The following GALNT17 variants were observed in gnomAD, a reference collection of about 807,000 sequenced individuals.
GALNT17 encodes UDP-GalNAc:polypeptide N-acetylgalactosaminyltransferase-like 3.
GALNT17 carries 29 observed loss-of-function variants against 63.7 expected under a neutral mutation model. That is an observed-to-expected ratio of 0.46 (90% CI 0.34 to 0.62). GALNT17 has a LOEUF of 0.62. Among genes scored for constraint, GALNT17 ranks in the 20% least tolerant of loss-of-function variants. The pLI, the probability that GALNT17 is intolerant of heterozygous loss-of-function variation, is 0.01. For synonymous variants in GALNT17, 305 were observed against 318.3 expected (o/e 0.96, Z 0.45); for missense variants, 603 against 799.6 (o/e 0.75, Z 2.97).
intron 1 of GALNT17, among the ~76,000 whole-genome samples, chr7:71,229,671 G>C (rs1389599528): frequency 6.6e-6 from 1 of 152,184 alleles, no homozygotes; most frequent in Non-Finnish European, 1.5e-5. Context: ...CAAGGGTACA[G>C]GGTGGCTGGA....
chr7:71,159,947 A>C (rs1788310511), intron 1 of GALNT17, among the ~76,000 whole-genome samples: 1 of 151,850 alleles, frequency 6.6e-6, no homozygotes, highest in Admixed American at 6.6e-5. Context: ...ACTCAGATCT[A>C]ATTTTTAAAA....
chr7:71,215,493 A>G (rs1321630413), intron 1 of GALNT17, among the ~76,000 whole-genome samples: 4 of 152,202 alleles, frequency 2.6e-5, no homozygotes, highest in African/African-American at 4.8e-5. Flanking sequence ...TATTGTGACA[A>G]TAAAATTAAA....
intron 1 of GALNT17, among the ~76,000 whole-genome samples, chr7:71,207,485 ATTC>A (rs1166202180): frequency 6.6e-6 from 1 of 152,098 alleles, no homozygotes; most frequent in African/African-American, 2.4e-5. Flanking sequence ...ACCGTATTTC[ATTC>A]TTCTTCTGCT....
At chr7:71,516,174 A>T (rs941264956) in intron 5 of GALNT17, among the ~76,000 whole-genome samples, 1 of 151,988 alleles carries the variant, frequency 6.6e-6, no homozygotes, top group Non-Finnish European at 1.5e-5. Context: ...ATTTTAATTT[A>T]TGTTGTCAGG....
chr7:71,132,977 A>G lies in GALNT17; in HGVS notation c.175A>G (p.Ile59Val), dbSNP rs151127222. 85 of 1,608,520 alleles carry G rather than the reference A, an allele frequency of 5.3e-5. 1 individual carries two copies. Among genetic ancestry groups the G allele is most frequent in the Non-Finnish European group, 6.7e-5 (79 of 1,178,844 alleles). The change falls in exon 1 of 11, where the codon ATC becomes GTC. Residue 59 changes from isoleucine to valine, a missense_variant. Ile to Val is a conservative substitution (Grantham distance 29, BLOSUM62 3). This residue lies in a region of GALNT17 where 195 missense variants were observed against 215.0 expected (regional missense o/e 0.91). Coordinates refer to ENST00000333538, the MANE Select transcript of GALNT17 (RefSeq NM_022479.3). The stretch of plus-strand genomic sequence containing the variant: ...CCTCAGCGCGCACAGCGCCAGCCCC[A>G]TCCAGGATGCGGTCCTGAAGCGCCT... Reference protein sequence around the residue: ...ANLSAHSASPIQDAVLKRLSL... With the variant: ...ANLSAHSASPVQDAVLKRLSL...
At chr7:71,178,599 T>C (rs992897016) in intron 1 of GALNT17, among the ~76,000 whole-genome samples, 1 of 152,120 alleles carries the variant, frequency 6.6e-6, no homozygotes, top group African/African-American at 2.4e-5. Context: ...TCTTCACTGC[T>C]TTTCAGATTG....
chr7:71,710,185 G>A (rs948852673), intron 9 of GALNT17, among the ~76,000 whole-genome samples: 3 of 152,078 alleles, frequency 2.0e-5, no homozygotes, highest in African/African-American at 7.2e-5. Context: ...AGAAGACTAG[G>A]TCCTAAAACA....
At chr7:71,531,254 A>C (rs13238757) in intron 5 of GALNT17, among the ~76,000 whole-genome samples, 4 of 151,370 alleles carry the variant, frequency 2.6e-5, no homozygotes, top group African/African-American at 9.7e-5. Flanking sequence ...TAGTAAAAGC[A>C]AAAAAAAAGT....
chr7:71,661,208 G>A (rs760405971), intron 6 of GALNT17, among the ~76,000 whole-genome samples: 13 of 152,202 alleles, frequency 8.5e-5, no homozygotes, highest in Non-Finnish European at 1.9e-4. Context: ...AGCTCTCCCA[G>A]GGCAGGAAGG....
At chr7:71,283,196 G>C (rs767985628) in intron 1 of GALNT17, among the ~76,000 whole-genome samples, 3 of 151,666 alleles carry the variant, frequency 2.0e-5, no homozygotes, top group Non-Finnish European at 2.9e-5. Context: ...ACCATGCCTG[G>C]CTAATTAAAA....
intron 8 of GALNT17, among the ~76,000 whole-genome samples, chr7:71,672,489 C>G (rs923184584): frequency 3.3e-5 from 5 of 152,150 alleles, no homozygotes; most frequent in African/African-American, 1.2e-4. Context: ...ATACACCAAA[C>G]TGAAAATACA....
chr7:71,329,000 A>G (rs534153257), intron 1 of GALNT17, among the ~76,000 whole-genome samples: 1 of 152,308 alleles, frequency 6.6e-6, no homozygotes, highest in Non-Finnish European at 1.5e-5. Flanking sequence ...CACATCTGAA[A>G]TGCATTTTAG....
intron 1 of GALNT17, among the ~76,000 whole-genome samples, chr7:71,301,247 A>G (rs906125584): frequency 9.9e-5 from 15 of 151,688 alleles, no homozygotes; most frequent in African/African-American, 3.6e-4. Flanking sequence ...AGATCGCTCC[A>G]CTACACTCCA....
At position 71,407,656 on chromosome 7, in the gene GALNT17, G is replaced by A. The variant is rs535442447; in HGVS notation, c.590-8233G>A. On this transcript the variant is annotated intron_variant, in intron 3 of 10. Coordinates refer to ENST00000333538, the MANE Select transcript of GALNT17 (RefSeq NM_022479.3). ...CCAGCTACTCAGGAAGCTGAGGCAG[G>A]AGGATCACTTGAGCCCAGGAGTTGG... Among the ~76,000 whole-genome samples the A allele has an allele frequency of 7.9e-5, 12 of 152,302 alleles. No individual in the cohort carries two copies. The East Asian group carries it at 2.3e-3, about 29-fold the overall frequency.
At chr7:71,226,400 C>A (rs1789680103) in intron 1 of GALNT17, among the ~76,000 whole-genome samples, 1 of 152,092 alleles carries the variant, frequency 6.6e-6, no homozygotes, top group Admixed American at 6.6e-5. Flanking sequence ...AAGCCATGGG[C>A]CTGGATTCTA....
At chr7:71,520,873 G>T (rs1397685241) in intron 5 of GALNT17, among the ~76,000 whole-genome samples, 1 of 152,124 alleles carries the variant, frequency 6.6e-6, no homozygotes, top group East Asian at 1.9e-4. Flanking sequence ...GGAGGGACAG[G>T]AGTAACCAGG....
chr7:71,360,303 T>C (rs1792373331), intron 2 of GALNT17, among the ~76,000 whole-genome samples: 1 of 152,212 alleles, frequency 6.6e-6, no homozygotes, highest in Non-Finnish European at 1.5e-5. Context: ...TTATGACTAC[T>C]AACTCGGATA....
chr7:71,533,555 CA>C (rs1368977373), intron 5 of GALNT17, among the ~76,000 whole-genome samples: 1 of 152,094 alleles, frequency 6.6e-6, no homozygotes, highest in Non-Finnish European at 1.5e-5. Flanking sequence ...GAACAATATG[CA>C]CAGATCACAA....
intron 5 of GALNT17, among the ~76,000 whole-genome samples, chr7:71,455,940 G>A (rs1027091793): frequency 6.6e-6 from 1 of 152,150 alleles, no homozygotes. Flanking sequence ...ACCCCTCAGA[G>A]CTCCTGTGAA....
Sources: allele counts gnomAD v4.1 joint callset (sites outside exome capture counted in the v4.1 genomes callset), GRCh38; gene constraint gnomAD v4.1.1; regional missense constraint gnomAD v4.1.1; transcripts MANE v1.5; gene names NCBI Gene and HGNC (gene_info 2026-07-23, HGNC 2026-07-21).